NUP214: variants seen among roughly 807,000 people sequenced by gnomAD.
NUP214 encodes nuclear pore complex protein Nup214.
In NUP214, 79 loss-of-function variants were observed where a neutral mutation model predicts 196.2. The observed-to-expected ratio is 0.40, with a 90% CI of 0.34 to 0.49. NUP214 has a LOEUF of 0.49. Ranked by LOEUF, NUP214 falls within the 20% of genes least tolerant of loss-of-function variation. The pLI is 0.58. For missense variants in NUP214, 2,468 were observed against 2,539.0 expected (o/e 0.97, Z 0.60); for synonymous variants, 1,020 against 990.5 (o/e 1.03, Z -0.56).
chr9:131,172,255 G>A (rs1397326998), intron 21 of NUP214, among the ~76,000 whole-genome samples: 16 of 151,900 alleles, frequency 1.1e-4, no homozygotes, highest in African/African-American at 2.9e-4. Context: ...TCTAACTGGC[G>A]TGAGATGGTA....
chr9:131,232,410 C>G lies in NUP214; in HGVS notation c.6239+102C>G, dbSNP rs932605353. ...TTTGTGCATTTTCTTTTCGTTTTTT[C>G]CTGTTTTTAGAGTTTGTCCTGGAAG... On this transcript the variant is annotated intron_variant, in intron 35 of 35. Transcript: ENST00000359428. This position sits in a 1 kb window ranked among gnomAD's most constrained non-coding sequence, Gnocchi z 5.1. 8 of 1,301,992 alleles carry G rather than the reference C, an allele frequency of 6.1e-6. No homozygotes were observed. The highest frequency in any genetic ancestry group is 2.3e-5 in the East Asian group (1 of 43,178). The allele number at this position is 1,301,992 out of a possible 1,614,324, so 80.7% of individuals were successfully genotyped here.
chr9:131,135,264 GT>G, intron 8 of NUP214: 2 of 387,644 alleles, frequency 5.2e-6, no homozygotes, highest in East Asian at 4.0e-5. Flanking sequence ...TTTTAAATAA[GT>G]TTTTTGGTTT....
intron 9 of NUP214, among the ~76,000 whole-genome samples, chr9:131,137,902 C>T (rs1315494212): frequency 1.3e-5 from 2 of 152,178 alleles, no homozygotes; most frequent in Non-Finnish European, 2.9e-5. Context: ...TTAGCACTCC[C>T]ACCCTTTCCC....
chr9:131,184,026 C>CTTTTCTTTTTTTTTTTTTTTTTTT (rs1833372062), intron 24 of NUP214, among the ~76,000 whole-genome samples: 1 of 104,364 alleles, frequency 9.6e-6, no homozygotes, highest in African/African-American at 3.7e-5. Context: ...TTTTCTTTTT[C>CTTTTCTTTTTTTTTTTTTTTTTTT]TTTTTTTTTT....
intron 7 of NUP214, 95 bp downstream of exon 7, chr9:131,133,304 G>GTTTTTTTTTTTTTTTTT: frequency 2.4e-6 from 1 of 421,410 alleles, no homozygotes; most frequent in Non-Finnish European, 4.0e-6. Context: ...TTGTGTTTGT[G>GTTTTTTTTTTTTTTTTT]TTTTTTTTTT....
intron 32 of NUP214, among the ~76,000 whole-genome samples, chr9:131,225,192 C>T (rs1420970850): frequency 6.6e-6 from 1 of 152,150 alleles, no homozygotes; most frequent in Non-Finnish European, 1.5e-5. Flanking sequence ...GAAGACAGAT[C>T]ACTTGAGTCC....
chr9:131,149,533 T>C (rs1832190727), intron 14 of NUP214, among the ~76,000 whole-genome samples: 1 of 150,738 alleles, frequency 6.6e-6, no homozygotes, highest in South Asian at 2.1e-4. Flanking sequence ...CTCTGCTGTG[T>C]CACATGTCAT....
Position 131,174,056 on chromosome 9 carries a change from C to T in NUP214, c.2895C>T (p.Ala965=). 1.2e-6 allele frequency: 2 copies of T among 1,611,212 alleles called. No individual in the cohort carries two copies. Among genetic ancestry groups the T allele is most frequent in the Non-Finnish European group, 1.7e-6 (2 of 1,179,144 alleles). The change falls in exon 22 of 36, where the codon GCC becomes GCT. Residue 965 remains alanine (A), a splice_region_variant and synonymous_variant. Transcript: ENST00000359428. ...GTGTTTTGTTTGGGGCTTTTGTAGC[C>T]AGCCTGTCTCGATCAGCCTTTCTGT... is the stretch of plus-strand genomic sequence containing the variant. ...KTPPVRSTAP[A]SLSRSAFLSQ... is the part of the protein sequence containing the mutation.
At chr9:131,148,003 A>G (rs1391931787) in intron 14 of NUP214, among the ~76,000 whole-genome samples, 2 of 152,244 alleles carry the variant, frequency 1.3e-5, no homozygotes, top group East Asian at 3.9e-4. Flanking sequence ...CCTGGTCGAC[A>G]TGGTGAAACC....
intron 24 of NUP214, among the ~76,000 whole-genome samples, chr9:131,179,714 G>GT (rs1250341805): frequency 6.6e-6 from 1 of 152,086 alleles, no homozygotes; most frequent in Non-Finnish European, 1.5e-5. Context: ...ATGTTGTTCT[G>GT]TTTATCAACA....
rs758042293 is a variant in NUP214 at position 131,151,827 on chromosome 9, G to T, written c.2369G>T (p.Arg790Leu). ...EEAREQNERN[R>L]DSGYLHLLYK... Reference sequence around the variant, plus strand: ...GCCAGAGAACAAAATGAAAGAAATCGTGACTCTGGTTATCTGCATTTGCTT... The same window carrying T: ...GCCAGAGAACAAAATGAAAGAAATCTTGACTCTGGTTATCTGCATTTGCTT... The change falls in exon 17 of 36, where the codon CGT (arginine) becomes CTT (leucine). Residue 790 changes from arginine to leucine, a missense_variant. Physicochemically the swap from Arg to Leu is moderately radical, Grantham distance 102. Transcript: ENST00000359428. The T allele has an allele frequency of 1.9e-6, 3 of 1,613,524 alleles. No individual in the cohort carries two copies. The highest frequency in any genetic ancestry group is 2.7e-5 in the African/African-American group (2 of 75,032).
At chr9:131,200,436 G>A (rs574750816) in intron 29 of NUP214, among the ~76,000 whole-genome samples, 47 of 152,302 alleles carry the variant, frequency 3.1e-4, no homozygotes, top group African/African-American at 9.9e-4. Context: ...ATTGCCGGGC[G>A]CGGTGGCTCA....
chr9:131,183,952 C>T (rs181302611), intron 24 of NUP214, among the ~76,000 whole-genome samples: 94 of 150,172 alleles, frequency 6.3e-4, no homozygotes, highest in African/African-American at 2.2e-3. Flanking sequence ...GAAATGTAAT[C>T]GTTTACATTT....
chr9:131,129,585 TC>T, intron 4 of NUP214, 108 bp downstream of exon 4: 1 of 1,099,026 alleles, frequency 9.1e-7, no homozygotes, highest in African/African-American at 1.6e-5. Flanking sequence ...GTTTTTTTTT[TC>T]ATGACGAGGG....
intron 21 of NUP214, among the ~76,000 whole-genome samples, chr9:131,168,598 T>G (rs1832855267): frequency 1.3e-5 from 2 of 152,252 alleles, no homozygotes; most frequent in South Asian, 4.1e-4. Flanking sequence ...TTATGGAGTC[T>G]GATAGTGTTT....
At chr9:131,138,100 G>A (rs1831792067) in intron 9 of NUP214, among the ~76,000 whole-genome samples, 1 of 151,800 alleles carries the variant, frequency 6.6e-6, no homozygotes, top group Non-Finnish European at 1.5e-5. Flanking sequence ...TCCCTCTCCT[G>A]AACTGCCTGC....
At chr9:131,196,897 G>T (rs1434569075) in intron 28 of NUP214, among the ~76,000 whole-genome samples, 1 of 152,144 alleles carries the variant, frequency 6.6e-6, no homozygotes, top group Non-Finnish European at 1.5e-5. Flanking sequence ...ACACAGCTAG[G>T]GTAAATTAAG....
At chr9:131,228,429 G>A in intron 33 of NUP214, 98 bp downstream of exon 33, 1 of 1,202,178 alleles carries the variant, frequency 8.3e-7, no homozygotes. Flanking sequence ...ACCATGAGGT[G>A]AAGGCCCCTC....
At chr9:131,132,415 C>T (rs1364988245) in intron 5 of NUP214, among the ~76,000 whole-genome samples, 181 bp from the exon 6 acceptor site, 1 of 152,138 alleles carries the variant, frequency 6.6e-6, no homozygotes, top group Non-Finnish European at 1.5e-5. Flanking sequence ...CACCCAGCCA[C>T]GTTCATGGGT....
Sources: gnomAD v4.1 joint callset for allele counts (sites outside exome capture counted in the v4.1 genomes callset) on GRCh38, gnomAD v4.1.1 for gene constraint, Gnocchi (gnomAD v3.1) non-coding constraint, MANE v1.5 for transcripts, NCBI Gene and HGNC (gene_info 2026-07-23, HGNC 2026-07-21) for gene names.